NCAPH2: variants seen among roughly 807,000 people sequenced by gnomAD.
NCAPH2 encodes non-SMC condensin II complex subunit H2, also known as condensin-2 complex subunit H2.
In NCAPH2, 56 loss-of-function variants were observed where a neutral mutation model predicts 88.6. That is an observed-to-expected ratio of 0.63 (90% CI 0.51 to 0.79). NCAPH2 has a LOEUF of 0.79. NCAPH2 is among the 30% of genes least tolerant of loss of function. NCAPH2 has a pLI of 0.00. For synonymous variants in NCAPH2, 378 were observed against 313.6 expected, an observed-to-expected ratio of 1.21 and a Z score of -2.17; for missense variants, 794 against 792.0, an observed-to-expected ratio of 1.00 and a Z score of -0.03.
Position 50,524,629 on chromosome 22 carries a change from C to T in NCAPH2, c.*1254C>T. 1 of 708,804 alleles carries T rather than the reference C, an allele frequency of 1.4e-6. No homozygotes were observed. Among genetic ancestry groups the T allele is most frequent in the Non-Finnish European group, 2.6e-6 (1 of 380,232 alleles). The allele number at this position is 708,804 out of a possible 1,614,324, so 43.9% of individuals were successfully genotyped here. A position where few individuals can be genotyped will look rare whatever the true frequency, so the allele number is the denominator to read the frequency against. On this transcript the variant is annotated 3_prime_UTR_variant, in exon 20 of 20. Transcript: ENST00000420993. ...GGCAACCACACCTGTCACTCCTGTC[C>T]TCTACCTGGGATCACCAGCCTGTCA...
intron 7 of NCAPH2, among the ~76,000 whole-genome samples, 160 bp downstream of exon 7, chr22:50,518,438 ATCTGC>A (rs890067251): frequency 2.6e-5 from 4 of 152,032 alleles, no homozygotes; most frequent in African/African-American, 7.2e-5. Context: ...CATCCCACCC[ATCTGC>A]TGTGCCTTGA....
chr22:50,518,300 G>A, intron 7 of NCAPH2, 22 bp downstream of exon 7: 1 of 1,607,610 alleles, frequency 6.2e-7, no homozygotes, highest in Non-Finnish European at 8.5e-7. Context: ...GATGCGGGGG[G>A]CTTGGTGGGA....
chr22:50,521,445 T>C, intron 10 of NCAPH2, 98 bp from the exon 11 acceptor site: 1 of 1,284,762 alleles, frequency 7.8e-7, no homozygotes, highest in Non-Finnish European at 1.1e-6. Flanking sequence ...TACCCCCTAC[T>C]CTTCCTTTGG....
Position 50,524,491 on chromosome 22 carries a change from C to G in NCAPH2, c.*1116C>G, listed in dbSNP as rs779177024. Reference sequence around the variant, plus strand: ...CAGGACAGTGCCTGGGCTGCCCCTGCGACTTGAGACCAGCCACCCATCTGA... The same window carrying G: ...CAGGACAGTGCCTGGGCTGCCCCTGGGACTTGAGACCAGCCACCCATCTGA... On this transcript the variant is annotated 3_prime_UTR_variant, in exon 20 of 20. Coordinates refer to ENST00000420993, the MANE Select transcript of NCAPH2 (RefSeq NM_152299.4). 2.8e-6 allele frequency: 4 copies of G among 1,443,034 alleles called. No individual in the cohort carries two copies. The highest frequency in any genetic ancestry group is 9.6e-7 in the Non-Finnish European group (1 of 1,039,978). The allele number at this position is 1,443,034 out of a possible 1,614,324, so 89.4% of individuals were successfully genotyped here.
chr22:50,523,802 T>A lies in NCAPH2; in HGVS notation c.*427T>A. The A allele has an allele frequency of 6.2e-7, 1 of 1,613,902 alleles. No homozygotes were observed. The highest frequency in any genetic ancestry group is 8.5e-7 in the Non-Finnish European group (1 of 1,179,822). ...CCTGCATTGTAGTACACGCGGTAAC[T>A]GTGACTAGCCTGGGCAACCTGTTTG... On this transcript the variant is annotated 3_prime_UTR_variant, in exon 20 of 20. Transcript: ENST00000420993.
chr22:50,522,050 A>C lies in NCAPH2; in HGVS notation c.1162+11A>C, dbSNP rs144949865. 169 of 1,614,026 alleles carry C rather than the reference A, an allele frequency of 1.0e-4. No homozygotes were observed. The African/African-American group carries it at 1.9e-3, about 18-fold the overall frequency. On this transcript the variant is annotated intron_variant, in intron 13 of 19. Transcript: ENST00000420993. ...GTCCGTCCTTTGCAGGTGAGGCTGA[A>C]GTCCTCGGGGAAGACAGTTTTACTC...
chr22:50,519,577 C>G (rs1337335837), intron 9 of NCAPH2: 1 of 1,263,598 alleles, frequency 7.9e-7, no homozygotes, highest in Non-Finnish European at 1.0e-6. Flanking sequence ...TGAGCCCTGT[C>G]GAGCTCACGG....
chr22:50,509,888 T>G (rs561389383), intron 1 of NCAPH2, among the ~76,000 whole-genome samples: 1 of 152,334 alleles, frequency 6.6e-6, no homozygotes, highest in Non-Finnish European at 1.5e-5. Context: ...AAGATCTTCA[T>G]GCTTTCTGCC....
chr22:50,519,139 G>T, intron 8 of NCAPH2, 51 bp from the exon 9 acceptor site: 1 of 1,499,144 alleles, frequency 6.7e-7, no homozygotes. Context: ...CTTTGGTGCC[G>T]TCTGGTCTCG....
In NCAPH2 at chr22:50,519,627, C is replaced by T. The variant is rs8141871; in HGVS notation, c.861+307C>T. ...CGCCGGTTGCCAAGGCGCCTCTCTG[C>T]AGTCGGGCTGGTAGGAGGGAGTGTC... On this transcript the variant is annotated intron_variant, in intron 9 of 19. Coordinates refer to ENST00000420993, the MANE Select transcript of NCAPH2 (RefSeq NM_152299.4). 9,309 of 1,206,706 alleles carry T rather than the reference C, an allele frequency of 7.7e-3. 574 individuals carry two copies. The African/African-American group carries it at 0.13, about 17-fold the overall frequency. 74.7% of individuals were successfully genotyped at this position (1,206,706 alleles called of 1,614,324 possible). A position where few individuals can be genotyped will look rare whatever the true frequency, so the allele number is the denominator to read the frequency against.
At chr22:50,517,685 C>T in intron 4 of NCAPH2, 24 bp downstream of exon 4, 1 of 1,614,090 alleles carries the variant, frequency 6.2e-7, no homozygotes, top group Non-Finnish European at 8.5e-7. Context: ...GCATGTGGTC[C>T]CCGCCCACTG....
At chr22:50,508,475 G>A in intron 1 of NCAPH2, 30 bp downstream of exon 1, 3 of 1,263,252 alleles carry the variant, frequency 2.4e-6, no homozygotes, top group Admixed American at 4.2e-5. Flanking sequence ...GACGCGGGGT[G>A]GGCCGGCGGG....
intron 11 of NCAPH2, 62 bp downstream of exon 11, chr22:50,521,671 T>G (rs2069101688): frequency 1.3e-6 from 2 of 1,550,330 alleles, no homozygotes; most frequent in Non-Finnish European, 1.8e-6. Context: ...GGGCATGAGG[T>G]GGGGGGGTGG....
At chr22:50,515,995 G>T (rs898814821) in intron 1 of NCAPH2, among the ~76,000 whole-genome samples, 8 of 140,976 alleles carry the variant, frequency 5.7e-5, no homozygotes, top group Non-Finnish European at 1.1e-4. Context: ...TGGGGCTCCG[G>T]GAGGCTGAGG....
intron 8 of NCAPH2, 25 bp from the exon 9 acceptor site, chr22:50,519,165 G>C: frequency 6.3e-7 from 1 of 1,585,000 alleles, no homozygotes; most frequent in Non-Finnish European, 8.6e-7. Flanking sequence ...CCTTGGAGCT[G>C]ATCACTCTCT....
chr22:50,522,956 G>C (rs1176735245), intron 18 of NCAPH2, 34 bp downstream of exon 18: 2 of 1,612,124 alleles, frequency 1.2e-6, no homozygotes, highest in East Asian at 4.5e-5. Context: ...AGAGCTGTGT[G>C]CCACGGGTCT....
chr22:50,509,331 T>C (rs2068721718), intron 1 of NCAPH2, among the ~76,000 whole-genome samples: 1 of 152,224 alleles, frequency 6.6e-6, no homozygotes, highest in South Asian at 2.1e-4. Flanking sequence ...TCTTGACATC[T>C]AGTGGGTGTC....
intron 1 of NCAPH2, among the ~76,000 whole-genome samples, chr22:50,514,124 A>T (rs1301947089): frequency 6.6e-6 from 1 of 152,150 alleles, no homozygotes; most frequent in Non-Finnish European, 1.5e-5. Context: ...ACAAAACAAA[A>T]CAAAACAGAA....
chr22:50,519,135 T>A, intron 8 of NCAPH2, 55 bp from the exon 9 acceptor site: 1 of 1,481,044 alleles, frequency 6.8e-7, no homozygotes, highest in African/African-American at 1.4e-5. Context: ...GTCCCTTTGG[T>A]GCCGTCTGGT....
Sources: allele counts gnomAD v4.1 joint callset (sites outside exome capture counted in the v4.1 genomes callset), GRCh38; gene constraint gnomAD v4.1.1; transcripts MANE v1.5; gene names NCBI Gene and HGNC (gene_info 2026-07-23, HGNC 2026-07-21).